Variants in HPSE2 observed in about 807,000 individuals in gnomAD.
HPSE2 encodes inactive heparanase-2.
A neutral mutation model predicts 60.5 loss-of-function variants in HPSE2; 38 were observed. The ratio of observed to expected loss-of-function variants is 0.63; its 90% CI spans 0.48 to 0.82. The LOEUF is 0.82. Among genes scored for constraint, HPSE2 ranks in the 40% least tolerant of loss-of-function variants. HPSE2 has a pLI of 0.00. For missense variants in HPSE2, 713 were observed against 740.4 expected, an observed-to-expected ratio of 0.96 and a Z score of 0.43; for synonymous variants, 295 against 293.2, an observed-to-expected ratio of 1.01 and a Z score of -0.06.
At chr10:98,828,008 G>A (rs1299129487) in intron 3 of HPSE2, among the ~76,000 whole-genome samples, 11 of 152,140 alleles carry the variant, frequency 7.2e-5, no homozygotes, top group African/African-American at 2.7e-4. Context: ...GGCCTCCCCA[G>A]GAAAAGACAA....
chr10:98,648,863 T>G (rs1333216152), intron 6 of HPSE2, among the ~76,000 whole-genome samples: 1 of 152,146 alleles, frequency 6.6e-6, no homozygotes, highest in Non-Finnish European at 1.5e-5. Flanking sequence ...ATCAAGTTCC[T>G]TTCTTCTGAG....
At chr10:99,190,511 A>T (rs564460996) in intron 2 of HPSE2, among the ~76,000 whole-genome samples, 1 of 152,236 alleles carries the variant, frequency 6.6e-6, no homozygotes, top group Non-Finnish European at 1.5e-5. Flanking sequence ...CCACACAGTT[A>T]GAGTTCATAT....
intron 9 of HPSE2, among the ~76,000 whole-genome samples, chr10:98,599,699 G>A (rs772318635): frequency 6.6e-6 from 1 of 152,138 alleles, no homozygotes; most frequent in African/African-American, 2.4e-5. Context: ...GTATAAAACT[G>A]TTCTTCCTTC....
At chr10:98,749,255 T>C (rs1456076174) in intron 3 of HPSE2, among the ~76,000 whole-genome samples, 1 of 151,930 alleles carries the variant, frequency 6.6e-6, no homozygotes, top group African/African-American at 2.4e-5. Context: ...AAACAAAAAA[T>C]TGGACATTCA....
chr10:98,765,874 ATCATT>A (rs1950108173), intron 3 of HPSE2, among the ~76,000 whole-genome samples: 1 of 152,014 alleles, frequency 6.6e-6, no homozygotes, highest in African/African-American at 2.4e-5. Context: ...GAGGTTTCAC[ATCATT>A]AATCTAATCA....
At chr10:98,984,641 A>G (rs1956292567) in intron 3 of HPSE2, among the ~76,000 whole-genome samples, 1 of 152,240 alleles carries the variant, frequency 6.6e-6, no homozygotes, top group African/African-American at 2.4e-5. Flanking sequence ...AGCTGGATGG[A>G]GAATGACTTT....
chr10:98,861,272 A>G (rs147600663), intron 3 of HPSE2, among the ~76,000 whole-genome samples: 1 of 152,312 alleles, frequency 6.6e-6, no homozygotes, highest in East Asian at 1.9e-4. Context: ...AGAGAAACAG[A>G]AGCCCCCAAC....
At chr10:99,189,964 C>A (rs996881413) in intron 2 of HPSE2, among the ~76,000 whole-genome samples, 7 of 152,184 alleles carry the variant, frequency 4.6e-5, no homozygotes. Flanking sequence ...GGGCCTCCAA[C>A]CCTCTGCGAA....
intron 11 of HPSE2, among the ~76,000 whole-genome samples, chr10:98,477,528 T>G (rs1488171819): frequency 1.3e-5 from 2 of 152,246 alleles, no homozygotes; most frequent in Non-Finnish European, 2.9e-5. Context: ...CCCTCTTTCC[T>G]AATTTTTGGA....
intron 1 of HPSE2, among the ~76,000 whole-genome samples, chr10:99,235,251 A>G (rs969535260): frequency 3.3e-5 from 5 of 152,242 alleles, no homozygotes; most frequent in Non-Finnish European, 7.3e-5. Context: ...TGTAAGCACA[A>G]CATTTTTTCA....
At chr10:98,965,062 T>C (rs1955780508) in intron 3 of HPSE2, among the ~76,000 whole-genome samples, 1 of 152,154 alleles carries the variant, frequency 6.6e-6, no homozygotes, top group African/African-American at 2.4e-5. Flanking sequence ...ATACCTTCCT[T>C]ATTAGTTTCT....
At chr10:99,014,577 T>C (rs1457179399) in intron 3 of HPSE2, among the ~76,000 whole-genome samples, 2 of 152,198 alleles carry the variant, frequency 1.3e-5, no homozygotes, top group South Asian at 4.1e-4. Flanking sequence ...ACAAACAGTG[T>C]ATAAGTGTTC....
intron 3 of HPSE2, among the ~76,000 whole-genome samples, chr10:98,788,995 A>G (rs1589826396): frequency 6.7e-6 from 1 of 150,218 alleles, no homozygotes; most frequent in Non-Finnish European, 1.5e-5. Flanking sequence ...TATCCTTCTC[A>G]CTTTTTTTTT....
intron 3 of HPSE2, among the ~76,000 whole-genome samples, chr10:99,132,172 AG>A: frequency 4.2e-4 from 3 of 7,200 alleles, no homozygotes; most frequent in Non-Finnish European, 2.1e-3. Flanking sequence ...AAAGAAAGAA[AG>A]AAAGAAAGAA....
At position 98,561,731 on chromosome 10, in the gene HPSE2, C is replaced by T. The variant is rs184578669; in HGVS notation, c.1320+53173G>A. ...GGTGTGGTGGCGGGCGCCTGCAATT[C>T]CAGCTACTTACGAGGTTGAGGCACG... On this transcript the variant is annotated intron_variant, in intron 9 of 11. Coordinates refer to ENST00000370552, the MANE Select transcript of HPSE2 (RefSeq NM_021828.5). Among the ~76,000 whole-genome samples the T allele has an allele frequency of 4.6e-3, 699 of 152,240 alleles. 8 individuals are homozygous for T. Among genetic ancestry groups the T allele is most frequent in the African/African-American group, 0.016 (674 of 41,530 alleles).
At chr10:99,096,461 G>A (rs1843721056) in intron 3 of HPSE2, among the ~76,000 whole-genome samples, 1 of 152,124 alleles carries the variant, frequency 6.6e-6, no homozygotes, top group Admixed American at 6.5e-5. Context: ...GAGGTCCAAG[G>A]TTGTCGAACA....
chr10:98,722,888 A>G (rs118101304), intron 4 of HPSE2, among the ~76,000 whole-genome samples: 4,871 of 152,256 alleles, frequency 0.032, 94 homozygotes, highest in Middle Eastern at 0.054. Context: ...GGTTTTCTAG[A>G]TAGACATCAT....
chr10:98,707,129 G>A (rs922314407), intron 5 of HPSE2, among the ~76,000 whole-genome samples: 1 of 151,842 alleles, frequency 6.6e-6, no homozygotes, highest in Non-Finnish European at 1.5e-5. Flanking sequence ...TAGAAACACT[G>A]TTGGTGTGCT....
At chr10:98,690,821 A>G (rs1948060058) in intron 6 of HPSE2, among the ~76,000 whole-genome samples, 1 of 152,168 alleles carries the variant, frequency 6.6e-6, no homozygotes, top group Non-Finnish European at 1.5e-5. Flanking sequence ...GGCAGGACCA[A>G]TTATTAAGTC....
Sources: allele counts gnomAD v4.1 joint callset (sites outside exome capture counted in the v4.1 genomes callset), GRCh38; gene constraint gnomAD v4.1.1; transcripts MANE v1.5; gene names NCBI Gene and HGNC (gene_info 2026-07-23, HGNC 2026-07-21).